Variants in TAF15 observed in about 807,000 individuals in gnomAD.
The protein encoded by TAF15 is TATA-binding protein-associated factor 2N.
Under a neutral mutation model 102.5 loss-of-function variants are expected in TAF15, and 37 were observed. The observed-to-expected ratio is 0.36, with a 90% CI of 0.28 to 0.47. The LOEUF is 0.47. Ranked by LOEUF, TAF15 falls within the 20% of genes least tolerant of loss-of-function variation. The pLI is 0.99. For synonymous variants in TAF15, 273 were observed against 259.2 expected (o/e 1.05, Z -0.51); for missense variants, 652 against 760.7 (o/e 0.86, Z 1.68).
At chr17:35,811,895 A>T (rs552953235) in intron 1 of TAF15, among the ~76,000 whole-genome samples, 65 of 152,266 alleles carry the variant, frequency 4.3e-4, no homozygotes, top group African/African-American at 1.4e-3. Context: ...ACAAAGATTT[A>T]AAAAAATGGA....
intron 7 of TAF15, among the ~76,000 whole-genome samples, chr17:35,826,842 G>C (rs951161707): frequency 6.6e-6 from 1 of 150,590 alleles, no homozygotes; most frequent in African/African-American, 2.4e-5. Flanking sequence ...ACAGGTGTGA[G>C]CCACCACGCC....
intron 12 of TAF15, among the ~76,000 whole-genome samples, chr17:35,843,058 GTAAT>G (rs2087566562): frequency 6.6e-6 from 1 of 152,016 alleles, no homozygotes; most frequent in Non-Finnish European, 1.5e-5. Flanking sequence ...ACCTAATTAG[GTAAT>G]TAATCTGACC....
chr17:35,841,673 C>T (rs1265057201), intron 11 of TAF15, among the ~76,000 whole-genome samples: 1 of 150,888 alleles, frequency 6.6e-6, no homozygotes, highest in African/African-American at 2.4e-5. Context: ...GCTGTGATTG[C>T]AAGCTTGAGT....
chr17:35,837,780 T>C (rs1405620758), intron 10 of TAF15, among the ~76,000 whole-genome samples: 1 of 151,684 alleles, frequency 6.6e-6, no homozygotes, highest in African/African-American at 2.4e-5. Context: ...TGAGCCGAGA[T>C]TGTGCCACTG....
At chr17:35,835,467 T>A (rs913492968) in intron 9 of TAF15, among the ~76,000 whole-genome samples, 6 of 152,258 alleles carry the variant, frequency 3.9e-5, no homozygotes, top group Admixed American at 3.9e-4. Context: ...GTTAAAAATC[T>A]ATTTGAGCTA....
At position 35,830,448 on chromosome 17, in the gene TAF15, T is replaced by C. The variant is rs188769383; in HGVS notation, c.606-3459T>C. 4.9e-5 allele frequency among the ~76,000 whole-genome samples: 7 copies of C among 142,526 alleles called. No homozygotes were observed. In the East Asian group the frequency reaches 1.5e-3, roughly 30 times the overall value. The allele number at this position is 142,526 out of a possible 152,430, so 93.5% of individuals were successfully genotyped here. ...TCTGGGAATTAAAGCAAATTTGTTG[T>C]GTCAACATCTTGACTCAGATGTTCA... On this transcript the variant is annotated intron_variant, in intron 7 of 15. Transcript: ENST00000605844.
chr17:35,824,291 A>C, intron 7 of TAF15, 93 bp downstream of exon 7: 2 of 1,524,466 alleles, frequency 1.3e-6, no homozygotes, highest in Non-Finnish European at 1.8e-6. Context: ...CCAGCATCTA[A>C]TTTAGTTAAG....
intron 11 of TAF15, among the ~76,000 whole-genome samples, chr17:35,839,136 C>T (rs1379228524): frequency 6.7e-6 from 1 of 149,798 alleles, no homozygotes; most frequent in East Asian, 2.0e-4. Flanking sequence ...TTTAAATAAC[C>T]TGGACGTGGT....
chr17:35,823,982 T>A, intron 6 of TAF15, 96 bp from the exon 7 acceptor site: 1 of 1,492,864 alleles, frequency 6.7e-7, no homozygotes, highest in East Asian at 2.3e-5. Flanking sequence ...CCATTTTCTA[T>A]AAGGATATGT....
intron 5 of TAF15, among the ~76,000 whole-genome samples, chr17:35,820,841 G>A (rs1023768146): frequency 3.3e-5 from 5 of 152,032 alleles, no homozygotes; most frequent in Admixed American, 2.0e-4. Flanking sequence ...CAAAACTTAC[G>A]CATATATCAG....
chr17:35,844,691 TG>T lies in TAF15; in HGVS notation c.1396del (p.Asp466ThrfsTer180). On this transcript the variant is annotated frameshift_variant, in exon 15 of 16. Transcript: ENST00000605844. LOFTEE classifies it high-confidence loss of function. Reference protein sequence around the residue: ...YGGDRGGGYGGDRGGGYGGDR... With the variant: ...YGGDRGGGYGXDRGGGYGGDR... ...GTGGGGACAGAGGCGGCGGCTATGG[TG>T]GGGACAGAGGAGGCGGCTATGGAGG... is the stretch of plus-strand genomic sequence containing the variant. The T allele has an allele frequency of 1.9e-6, 3 of 1,594,066 alleles. No individual in the cohort carries two copies. The highest frequency in any genetic ancestry group is 1.1e-5 in the South Asian group (1 of 89,914).
At chr17:35,822,595 T>C in intron 5 of TAF15, 45 bp from the exon 6 acceptor site, 1 of 1,582,518 alleles carries the variant, frequency 6.3e-7, no homozygotes, top group Non-Finnish European at 8.6e-7. Context: ...CTACAGCAAA[T>C]GTAATCTTCC....
intron 1 of TAF15, chr17:35,810,781 A>G (rs368690631): frequency 1.3e-5 from 2 of 152,222 alleles, no homozygotes; most frequent in African/African-American, 2.4e-5. Flanking sequence ...TGAGAAGACT[A>G]CAAATTAGCG....
chr17:35,837,067 G>A (rs1357171950), intron 10 of TAF15, among the ~76,000 whole-genome samples: 1 of 151,868 alleles, frequency 6.6e-6, no homozygotes, highest in Non-Finnish European at 1.5e-5. Flanking sequence ...ATGAGCCACC[G>A]TGCCCGGCCT....
At position 35,836,246 on chromosome 17, in the gene TAF15, G is replaced by A; in HGVS notation, c.783+5G>A. 6.4e-7 allele frequency: 1 copy of A among 1,554,654 alleles called. No individual in the cohort carries two copies. The highest frequency in any genetic ancestry group is 1.1e-5 in the South Asian group (1 of 89,720). ...AAACAAATAGGAATTATCAAGGTGAGTAAAAATATTATATGTTGAAAATCT... is the reference window on the plus strand; with the variant it reads ...AAACAAATAGGAATTATCAAGGTGAATAAAAATATTATATGTTGAAAATCT... On this transcript the variant is annotated splice_donor_5th_base_variant and intron_variant, in intron 10 of 15. Transcript: ENST00000605844.
At position 35,809,536 on chromosome 17, in the gene TAF15, G is replaced by A; in HGVS notation, c.-34G>A. On this transcript the variant is annotated 5_prime_UTR_variant, in exon 1 of 16. Transcript: ENST00000605844. ...GGCTTTCGTATTCGTTGTTCTCGGC[G>A]GGCTGTGGGGCCTCCGCGCCGCGGC... The A allele has an allele frequency of 2.5e-6, 4 of 1,612,840 alleles. No homozygotes were observed. Among genetic ancestry groups the A allele is most frequent in the Non-Finnish European group, 3.4e-6 (4 of 1,179,734 alleles).
intron 2 of TAF15, among the ~76,000 whole-genome samples, chr17:35,819,236 A>C (rs1403973530): frequency 6.6e-6 from 1 of 152,240 alleles, no homozygotes; most frequent in Non-Finnish European, 1.5e-5. Flanking sequence ...AAAGTTAAGG[A>C]ATCTTGTTAG....
intron 1 of TAF15, chr17:35,809,903 G>T (rs1049532254): frequency 5.4e-5 from 29 of 538,806 alleles, no homozygotes; most frequent in Admixed American, 1.9e-4. Context: ...GGCGGGGGGA[G>T]CCGAGATTAG....
chr17:35,844,909 G>A lies in TAF15; in HGVS notation c.1610G>A (p.Gly537Asp), dbSNP rs374159744. Residue 537 changes from glycine (G) to aspartate (D), a missense_variant, in exon 15 of 16, where the codon GGT (glycine) becomes GAT (aspartate). Gly to Asp is a moderately conservative substitution (Grantham distance 94). Around this residue, in one of 3 missense-constraint regions of TAF15, gnomAD observed 368 missense variants for 367.5 expected, o/e 1.00. Coordinates refer to ENST00000605844, the MANE Select transcript of TAF15 (RefSeq NM_139215.3). ...GGGGGCTATGGAGGAGACCGTGGTG[G>A]TGGCAGTGGCTACGGTGGAGACCGA... ...SRGGYGGDRGGGSGYGGDRSG... is the reference protein window; with the variant it reads ...SRGGYGGDRGDGSGYGGDRSG... The A allele has an allele frequency of 1.2e-6, 2 of 1,613,104 alleles. No homozygotes were observed. The highest frequency in any genetic ancestry group is 1.3e-5 in the African/African-American group (1 of 74,736).
Sources: gnomAD v4.1 joint callset for allele counts (sites outside exome capture counted in the v4.1 genomes callset) on GRCh38, gnomAD v4.1.1 for gene constraint, gnomAD v4.1.1 regional missense constraint, MANE v1.5 for transcripts, NCBI Gene and HGNC (gene_info 2026-07-23, HGNC 2026-07-21) for gene names.